The following EEPD1 variants were observed in gnomAD, a reference collection of about 807,000 sequenced individuals.
EEPD1 encodes the protein endonuclease/exonuclease/phosphatase family domain containing 1.
Under a neutral mutation model 46.3 loss-of-function variants are expected in EEPD1, and 17 were observed. That is an observed-to-expected ratio of 0.37 (90% confidence interval 0.25 to 0.55). The LOEUF (loss-of-function observed/expected upper bound fraction) is 0.55. EEPD1 is among the 20% of genes least tolerant of loss of function. The pLI is 0.83. For synonymous variants in EEPD1, 313 were observed against 315.6 expected (o/e 0.99, Z 0.09); for missense variants, 673 against 745.6 (o/e 0.90, Z 1.13).
At position 36,223,240 on chromosome 7, in the gene EEPD1, C is replaced by G. The variant is rs1000698070; in HGVS notation, c.879-15745C>G. 3.3e-5 allele frequency among the ~76,000 whole-genome samples: 5 copies of G among 152,136 alleles called. 1 individual carries two copies. The highest frequency in any genetic ancestry group is 3.4e-3 in the Middle Eastern group (1 of 294). On this transcript the variant is annotated intron_variant, in intron 2 of 7. Transcript: ENST00000242108. ...AATAAGAAATAAATTTTAACACAGACCTCAGCACCTCCTCACTATTGCATG... is the reference window on the plus strand; with the variant it reads ...AATAAGAAATAAATTTTAACACAGAGCTCAGCACCTCCTCACTATTGCATG...
intron 3 of EEPD1, among the ~76,000 whole-genome samples, chr7:36,269,082 A>C (rs1787065251): frequency 6.6e-6 from 1 of 152,192 alleles, no homozygotes; most frequent in South Asian, 2.1e-4. Flanking sequence ...TGTTTAAAGC[A>C]CTGGAGTGGG....
chr7:36,176,477 TA>T (rs1367248491), intron 2 of EEPD1, among the ~76,000 whole-genome samples: 2 of 152,218 alleles, frequency 1.3e-5, no homozygotes, highest in Admixed American at 1.3e-4. Flanking sequence ...GATGTCGGAA[TA>T]AAGTTATTTC....
intron 2 of EEPD1, among the ~76,000 whole-genome samples, chr7:36,179,697 TA>T (rs56263813): frequency 0.62 from 53,313 of 85,332 alleles, 16,092 homozygotes; most frequent in East Asian, 0.92. Flanking sequence ...CTGTCTCTAC[TA>T]AAAAAAAAAA....
At chr7:36,239,608 A>T (rs1239831985) in intron 3 of EEPD1, among the ~76,000 whole-genome samples, 2 of 152,126 alleles carry the variant, frequency 1.3e-5, no homozygotes, top group Non-Finnish European at 2.9e-5. Flanking sequence ...CTCTGCCCCC[A>T]AACCAACGTT....
In EEPD1 at chr7:36,283,733, G is replaced by C. The variant is rs115681603; in HGVS notation, c.1042-953G>C. Among the ~76,000 whole-genome samples the C allele has an allele frequency of 7.2e-3, 1,096 of 152,260 alleles. 12 individuals carry two copies. The highest frequency in any genetic ancestry group is 0.025 in the African/African-American group (1,022 of 41,542). On this transcript the variant is annotated intron_variant, in intron 4 of 7. Transcript: ENST00000242108. Reference sequence around the variant, plus strand: ...CCTCCCTCCCTCCTCCTAAAAACACGCATGTTCAGACAAGGCATGTGGCTT... The same window carrying C: ...CCTCCCTCCCTCCTCCTAAAAACACCCATGTTCAGACAAGGCATGTGGCTT...
chr7:36,202,317 A>G (rs1293100623), intron 2 of EEPD1, among the ~76,000 whole-genome samples: 1 of 152,084 alleles, frequency 6.6e-6, no homozygotes, highest in Non-Finnish European at 1.5e-5. Flanking sequence ...GACAGCCTAG[A>G]ATTTCAGCCA....
chr7:36,249,385 C>T (rs374367665), intron 3 of EEPD1, among the ~76,000 whole-genome samples: 71 of 152,258 alleles, frequency 4.7e-4, no homozygotes, highest in African/African-American at 1.6e-3. Flanking sequence ...GTGATGTCCC[C>T]ATCCTTTGAC....
At chr7:36,238,471 T>G (rs1023374436) in intron 2 of EEPD1, among the ~76,000 whole-genome samples, 1 of 152,200 alleles carries the variant, frequency 6.6e-6, no homozygotes, top group Admixed American at 6.5e-5. Flanking sequence ...CTCTAAGATA[T>G]CTCATATAAG....
chr7:36,221,342 C>A (rs1347670345), intron 2 of EEPD1, among the ~76,000 whole-genome samples: 1 of 152,134 alleles, frequency 6.6e-6, no homozygotes, highest in Non-Finnish European at 1.5e-5. Flanking sequence ...TGCTTATTAT[C>A]TGTGTATCTT....
At chr7:36,200,921 T>G (rs777017362) in intron 2 of EEPD1, among the ~76,000 whole-genome samples, 2 of 152,176 alleles carry the variant, frequency 1.3e-5, no homozygotes, top group Non-Finnish European at 2.9e-5. Context: ...AAACAGCAAC[T>G]TTCCATTGGA....
At chr7:36,232,329 C>T (rs180788266) in intron 2 of EEPD1, among the ~76,000 whole-genome samples, 4 of 151,994 alleles carry the variant, frequency 2.6e-5, no homozygotes, top group Admixed American at 6.6e-5. Context: ...CTCAGCCTCC[C>T]GAGTAGCTGG....
At chr7:36,190,512 A>G (rs1785443888) in intron 2 of EEPD1, among the ~76,000 whole-genome samples, 2 of 152,228 alleles carry the variant, frequency 1.3e-5, no homozygotes, top group Admixed American at 6.5e-5. Flanking sequence ...CCTGACCAAG[A>G]AACAGTCCTT....
chr7:36,220,829 T>A (rs1175261310), intron 2 of EEPD1, among the ~76,000 whole-genome samples: 1 of 152,234 alleles, frequency 6.6e-6, no homozygotes, highest in Admixed American at 6.5e-5. Context: ...AGATGGAGTC[T>A]CGCTCTGGTG....
chr7:36,229,395 GGAAAGAGAGA>G (rs1464164011), intron 2 of EEPD1: 1 of 152,220 alleles, frequency 6.6e-6, no homozygotes, highest in East Asian at 1.9e-4. Context: ...AAGGCATGGA[GGAAAGAGAGA>G]GAAAGAGAAT....
intron 2 of EEPD1, among the ~76,000 whole-genome samples, chr7:36,200,246 C>T (rs1337117574): frequency 1.3e-5 from 2 of 152,166 alleles, no homozygotes; most frequent in East Asian, 1.9e-4. Flanking sequence ...GTTTTCTGTT[C>T]CTGTGTTAGT....
rs1324950624 is a variant in EEPD1, at chr7:36,154,936, C to T, written c.612C>T (p.Ser204=). The part of the protein sequence containing the change: ...QVFAERSRPP[S]THTNGGLTFT... Reference sequence around the variant, plus strand: ...TTGCTGAGAGGTCCAGGCCCCCATCCACCCACACGAACGGGGGACTGACCT... The same window carrying T: ...TTGCTGAGAGGTCCAGGCCCCCATCTACCCACACGAACGGGGGACTGACCT... Residue 204 remains serine, a synonymous_variant, in exon 2 of 8, where the codon TCC becomes TCT. Transcript: ENST00000242108. This position sits in a 1 kb window ranked among gnomAD's most constrained non-coding sequence, Gnocchi z 4.2. 6.2e-7 allele frequency: 1 copy of T among 1,614,098 alleles called. No homozygotes were observed. Among genetic ancestry groups the T allele is most frequent in the South Asian group, 1.1e-5 (1 of 91,080 alleles).
At chr7:36,259,576 C>G (rs1267782561) in intron 3 of EEPD1, among the ~76,000 whole-genome samples, 1 of 152,054 alleles carries the variant, frequency 6.6e-6, no homozygotes, top group Non-Finnish European at 1.5e-5. Flanking sequence ...GTGGCCCAAT[C>G]TCAGCTCACT....
chr7:36,153,531 A>T lies in EEPD1; in HGVS notation c.-336A>T, dbSNP rs544023654. The stretch of plus-strand genomic sequence containing the variant: ...CGGGACACGCAGACCGAAGCGGCGT[A>T]GTCGGCTTCCAGGGCCTGACCAGTG... On this transcript the variant is annotated 5_prime_UTR_variant, in exon 1 of 8. An upstream open reading frame in the 5' UTR loses its in-frame stop. Transcript: ENST00000242108. The T allele has an allele frequency of 6.6e-6, 1 of 152,474 alleles. No individual in the cohort carries two copies. Among genetic ancestry groups the T allele is most frequent in the East Asian group, 1.9e-4 (1 of 5,182 alleles). 9.4% of individuals were successfully genotyped at this position (152,474 alleles called of 1,614,324 possible).
chr7:36,186,908 T>A (rs1392307910), intron 2 of EEPD1, among the ~76,000 whole-genome samples: 1 of 152,270 alleles, frequency 6.6e-6, no homozygotes, highest in Non-Finnish European at 1.5e-5. Flanking sequence ...CATCTACTGT[T>A]ACGATTGTAA....
Sources: gnomAD v4.1 joint callset for allele counts (sites outside exome capture counted in the v4.1 genomes callset) on GRCh38, gnomAD v4.1.1 for gene constraint, Gnocchi (gnomAD v3.1) non-coding constraint, MANE v1.5 for transcripts, NCBI Gene and HGNC (gene_info 2026-07-23, HGNC 2026-07-21) for gene names.